TLN2: variants seen among roughly 807,000 people sequenced by gnomAD.
The protein encoded by TLN2 is talin 2.
In TLN2, 118 loss-of-function variants were observed where a neutral mutation model predicts 294.7. The observed-to-expected ratio is 0.40, with a 90% CI of 0.34 to 0.47. The LOEUF is 0.47. TLN2 is among the 20% of genes least tolerant of loss of function. TLN2 has a pLI of 0.84. For missense variants in TLN2, 3,083 were observed against 3,282.2 expected (o/e 0.94, Z 1.48); for synonymous variants, 1,431 against 1,304.5 (o/e 1.10, Z -2.09).
intron 42 of TLN2, among the ~76,000 whole-genome samples, chr15:62,775,105 C>T (rs542391780): frequency 2.0e-3 from 301 of 151,934 alleles, no homozygotes; most frequent in African/African-American, 6.9e-3. Flanking sequence ...TACAGGCGCC[C>T]GCCACCACAC....
At chr15:62,737,169 C>A in intron 29 of TLN2, 83 bp downstream of exon 29, 1 of 1,418,326 alleles carries the variant, frequency 7.1e-7, no homozygotes, top group Non-Finnish European at 9.8e-7. Flanking sequence ...GGGCACTTTT[C>A]CCTGATATGA....
chr15:62,782,113 G>C (rs2064226657), intron 44 of TLN2, among the ~76,000 whole-genome samples: 1 of 152,206 alleles, frequency 6.6e-6, no homozygotes, highest in South Asian at 2.1e-4. Context: ...TCGCTGAAGT[G>C]ACCAGAATGA....
chr15:62,828,943 G>T (rs1025483603), intron 54 of TLN2: 1 of 151,978 alleles, frequency 6.6e-6, no homozygotes, highest in Non-Finnish European at 1.5e-5. Flanking sequence ...CCTGAGTCCA[G>T]GCCAGCATTT....
intron 1 of TLN2, among the ~76,000 whole-genome samples, chr15:62,514,709 G>A (rs972425540): frequency 2.0e-5 from 3 of 152,134 alleles, no homozygotes; most frequent in Non-Finnish European, 2.9e-5. Context: ...TAAAGACTTC[G>A]AGAGTGGTAA....
chr15:62,434,424 C>G (rs368695201), intron 1 of TLN2, among the ~76,000 whole-genome samples: 11 of 152,240 alleles, frequency 7.2e-5, no homozygotes, highest in East Asian at 3.9e-4. Flanking sequence ...TAACTGGCTC[C>G]CTATTGACAT....
intron 1 of TLN2, among the ~76,000 whole-genome samples, chr15:62,426,322 A>AT (rs2140280589): frequency 1.3e-5 from 2 of 152,318 alleles, no homozygotes; most frequent in African/African-American, 4.8e-5. Flanking sequence ...GCAGGCATTT[A>AT]TTAGGCCCTA....
chr15:62,639,935 G>A (rs1316915482), intron 3 of TLN2, among the ~76,000 whole-genome samples: 1 of 152,200 alleles, frequency 6.6e-6, no homozygotes, highest in Non-Finnish European at 1.5e-5. Context: ...ATTAAAGATA[G>A]CTGGCTCCCA....
intron 37 of TLN2, among the ~76,000 whole-genome samples, chr15:62,757,685 T>C (rs1315822104): frequency 1.3e-5 from 2 of 152,136 alleles, no homozygotes; most frequent in African/African-American, 2.4e-5. Flanking sequence ...GCCTAAAAGA[T>C]AGGCCTGTGC....
At position 62,502,833 on chromosome 15, in the gene TLN2, C is replaced by G. The variant is rs147825509; in HGVS notation, c.-237-86854C>G. ...GATGGTCTTGGGCTTCTCTGTTTTC[C>G]TATCACCTGTGTCTCCCTTCCTTGC... On this transcript the variant is annotated intron_variant, in intron 1 of 58. Transcript: ENST00000636159. Among the ~76,000 whole-genome samples, 686 of 152,288 alleles carry G rather than the reference C, an allele frequency of 4.5e-3. 6 individuals are homozygous for G. Among genetic ancestry groups the G allele is most frequent in the African/African-American group, 0.016 (652 of 41,552 alleles).
chr15:62,705,792 G>A (rs1167791984), intron 19 of TLN2, among the ~76,000 whole-genome samples: 1 of 152,222 alleles, frequency 6.6e-6, no homozygotes. Context: ...ACAAGTGCCA[G>A]TCAGATCCCA....
chr15:62,409,308 G>A (rs377510883), intron 1 of TLN2, among the ~76,000 whole-genome samples: 1 of 152,156 alleles, frequency 6.6e-6, no homozygotes, highest in African/African-American at 2.4e-5. Flanking sequence ...GTATACTGAA[G>A]TTTAAATGTC....
At chr15:62,643,099 G>C (rs942678139) in intron 3 of TLN2, among the ~76,000 whole-genome samples, 1 of 152,214 alleles carries the variant, frequency 6.6e-6, no homozygotes. Flanking sequence ...AGTGGTGCTA[G>C]AAGCAGCTCA....
At chr15:62,527,176 C>T (rs573194008) in intron 1 of TLN2, among the ~76,000 whole-genome samples, 35 of 152,218 alleles carry the variant, frequency 2.3e-4, no homozygotes, top group South Asian at 2.1e-3. Flanking sequence ...ATTGGAGACA[C>T]GGTGTCGGGT....
At chr15:62,531,762 G>A (rs575116580) in intron 1 of TLN2, among the ~76,000 whole-genome samples, 10 of 152,174 alleles carry the variant, frequency 6.6e-5, no homozygotes, top group African/African-American at 2.4e-4. Context: ...TGTATTATAC[G>A]TGGGCCTTCC....
chr15:62,590,844 C>T (rs2046021306), intron 2 of TLN2, among the ~76,000 whole-genome samples: 1 of 152,160 alleles, frequency 6.6e-6, no homozygotes, highest in South Asian at 2.1e-4. Flanking sequence ...TCCTGACCAG[C>T]TGCAGAACTT....
Position 62,752,289 on chromosome 15 carries a change from G to A in TLN2, c.4210-16G>A. On this transcript the variant is annotated splice_polypyrimidine_tract_variant and intron_variant, in intron 34 of 58. Transcript: ENST00000636159. ...CAATGCTGGATAGAGAATGTTGCTG[G>A]CCGTTTGTTTTGCAGGTTCTGGGTG... is the stretch of plus-strand genomic sequence containing the variant. 1 of 1,613,652 alleles carries A rather than the reference G, an allele frequency of 6.2e-7. No individual in the cohort carries two copies. Among genetic ancestry groups the A allele is most frequent in the Non-Finnish European group, 8.5e-7 (1 of 1,179,796 alleles).
chr15:62,702,224 A>C (rs769820962), intron 18 of TLN2, 24 bp downstream of exon 18: 7 of 1,556,946 alleles, frequency 4.5e-6, no homozygotes, highest in Middle Eastern at 2.3e-4. Context: ...GCAAGCAATC[A>C]CTCAGGTTCT....
chr15:62,656,338 C>T (rs920203388), intron 8 of TLN2, among the ~76,000 whole-genome samples: 2 of 152,256 alleles, frequency 1.3e-5, no homozygotes, highest in Admixed American at 6.5e-5. Flanking sequence ...ACACTGTGTC[C>T]CTCTCTGCCG....
chr15:62,533,386 G>A (rs941264791), intron 1 of TLN2, among the ~76,000 whole-genome samples: 13 of 152,042 alleles, frequency 8.6e-5, no homozygotes, highest in Non-Finnish European at 1.2e-4. Context: ...GCTGGTCAGG[G>A]GGATGTTTTC....
Sources: allele counts gnomAD v4.1 joint callset (sites outside exome capture counted in the v4.1 genomes callset), GRCh38; gene constraint gnomAD v4.1.1; transcripts MANE v1.5; gene names NCBI Gene and HGNC (gene_info 2026-07-23, HGNC 2026-07-21).